The following KCNH1 variants were observed in gnomAD, a reference collection of about 807,000 sequenced individuals.
KCNH1 encodes potassium voltage-gated channel subfamily H member 1.
In KCNH1, 27 loss-of-function variants were observed where a neutral mutation model predicts 69.2. The observed-to-expected ratio is 0.39, with a 90% confidence interval of 0.29 to 0.54. The LOEUF is 0.54. KCNH1 is among the 20% of genes least tolerant of loss of function. The pLI, the probability that KCNH1 is intolerant of heterozygous loss-of-function variation, is 0.68. For missense variants in KCNH1, 798 were observed against 1,261.6 expected (o/e 0.63, Z 5.57); for synonymous variants, 456 against 487.7 (o/e 0.93, Z 0.86).
chr1:210,927,741 G>A (rs1291173436), intron 6 of KCNH1, among the ~76,000 whole-genome samples: 2 of 152,022 alleles, frequency 1.3e-5, no homozygotes, highest in Non-Finnish European at 2.9e-5. Context: ...ATGGCCTAAA[G>A]GCTCCACTTA....
At chr1:211,040,382 C>T (rs1007347069) in intron 5 of KCNH1, among the ~76,000 whole-genome samples, 1 of 152,090 alleles carries the variant, frequency 6.6e-6, no homozygotes, top group Non-Finnish European at 1.5e-5. Context: ...ATTGTGGGAG[C>T]CATTCTTTCC....
At chr1:211,056,736 A>G (rs192556274) in intron 5 of KCNH1, among the ~76,000 whole-genome samples, 216 of 152,342 alleles carry the variant, frequency 1.4e-3, no homozygotes, top group African/African-American at 4.9e-3. Context: ...AGGGAAGAGA[A>G]TAAGTATCTC....
intron 6 of KCNH1, among the ~76,000 whole-genome samples, chr1:210,937,832 C>T (rs1259162101): frequency 2.0e-5 from 3 of 152,178 alleles, no homozygotes; most frequent in Non-Finnish European, 4.4e-5. Context: ...GACTATACTC[C>T]CCTGGTTCCC....
At chr1:210,922,383 CAAAAAAAAAAAAAAAAAAAA>C (rs758026291) in intron 6 of KCNH1, among the ~76,000 whole-genome samples, 5 of 98,316 alleles carry the variant, frequency 5.1e-5, no homozygotes, top group African/African-American at 1.0e-4. Flanking sequence ...GACTCCGTCT[CAAAAAAAAAAAAAAAAAAAA>C]AAAAAAAAAA....
chr1:210,716,562 T>C (rs1682257045), intron 10 of KCNH1, among the ~76,000 whole-genome samples: 1 of 152,240 alleles, frequency 6.6e-6, no homozygotes, highest in Non-Finnish European at 1.5e-5. Context: ...TAGTGAAGTC[T>C]TCCTTACAGG....
chr1:210,769,235 A>G (rs910840448), intron 10 of KCNH1, among the ~76,000 whole-genome samples: 1 of 152,200 alleles, frequency 6.6e-6, no homozygotes, highest in African/African-American at 2.4e-5. Flanking sequence ...CTTCCACAAT[A>G]ATTTATTCAG....
chr1:211,081,960 G>A (rs747398795), intron 5 of KCNH1, among the ~76,000 whole-genome samples: 15 of 151,874 alleles, frequency 9.9e-5, no homozygotes, highest in South Asian at 2.1e-4. Flanking sequence ...AGAACTTAAA[G>A]TATAACAAAG....
chr1:210,850,109 C>T (rs1201358702), intron 7 of KCNH1, among the ~76,000 whole-genome samples: 1 of 152,184 alleles, frequency 6.6e-6, no homozygotes, highest in East Asian at 1.9e-4. Context: ...GTGCAGGTCA[C>T]TTGCACACTT....
chr1:211,093,906 G>A (rs1691100072), intron 3 of KCNH1, among the ~76,000 whole-genome samples: 1 of 152,104 alleles, frequency 6.6e-6, no homozygotes, highest in Non-Finnish European at 1.5e-5. Context: ...AAGGCAGGAA[G>A]GATGGCTGGT....
At chr1:210,894,284 G>C (rs1377377675) in intron 7 of KCNH1, among the ~76,000 whole-genome samples, 3 of 152,160 alleles carry the variant, frequency 2.0e-5, no homozygotes, top group African/African-American at 7.2e-5. Context: ...AGTGGACCCA[G>C]AGCATTATTT....
In KCNH1 at chr1:210,942,717, G is replaced by A. The variant is rs555506923; in HGVS notation, c.1033-22648C>T. ...CAGGGATCCTAGACTTTTGCTTCAG[G>A]ACACTCAGAGACCCATAGGGGAGCA... is the stretch of plus-strand genomic sequence containing the variant. On this transcript the variant is annotated intron_variant, in intron 6 of 10. Coordinates refer to ENST00000271751, the MANE Select transcript of KCNH1 (RefSeq NM_172362.3). Among the ~76,000 whole-genome samples the A allele has an allele frequency of 5.3e-5, 8 of 151,894 alleles. No individual in the cohort carries two copies. The South Asian group carries it at 1.2e-3, about 24-fold the overall frequency.
At chr1:211,095,706 G>A (rs1571643019) in intron 3 of KCNH1, among the ~76,000 whole-genome samples, 2 of 152,302 alleles carry the variant, frequency 1.3e-5, no homozygotes, top group East Asian at 1.9e-4. Context: ...TTTTGGGAAG[G>A]GTTGACCTCT....
intron 4 of KCNH1, among the ~76,000 whole-genome samples, chr1:211,088,807 G>A (rs1269815124): frequency 6.6e-6 from 1 of 152,206 alleles, no homozygotes; most frequent in African/African-American, 2.4e-5. Flanking sequence ...GTAAATGTGT[G>A]TGTATCTCCT....
chr1:211,045,657 A>C (rs1380174067), intron 5 of KCNH1, among the ~76,000 whole-genome samples: 1 of 152,176 alleles, frequency 6.6e-6, no homozygotes, highest in East Asian at 1.9e-4. Flanking sequence ...CTCCAGAAGA[A>C]GTTTCCTCCT....
intron 7 of KCNH1, among the ~76,000 whole-genome samples, chr1:210,905,785 CTG>C (rs1482503475): frequency 2.0e-5 from 3 of 152,180 alleles, no homozygotes; most frequent in Non-Finnish European, 2.9e-5. Flanking sequence ...CTGTCAGTAA[CTG>C]TGTCATGTCT....
chr1:210,894,999 C>T (rs984470408), intron 7 of KCNH1, among the ~76,000 whole-genome samples: 1 of 152,162 alleles, frequency 6.6e-6, no homozygotes, highest in African/African-American at 2.4e-5. Context: ...GTTCTCCAAC[C>T]AGGTTGCAGA....
chr1:210,745,158 C>CTACTAAAAATACAA (rs71134636), intron 10 of KCNH1, among the ~76,000 whole-genome samples: 11 of 150,474 alleles, frequency 7.3e-5, no homozygotes, highest in South Asian at 2.1e-4. Flanking sequence ...GAGTGGAGGT[C>CTACTAAAAATACAA]ATGCCACTGC....
At chr1:211,016,816 G>A (rs1048964624) in intron 6 of KCNH1, among the ~76,000 whole-genome samples, 5 of 146,974 alleles carry the variant, frequency 3.4e-5, no homozygotes, top group African/African-American at 1.3e-4. Flanking sequence ...GGCTGAGGCA[G>A]GAGAATTGCC....
At chr1:210,796,235 G>C (rs559547968) in intron 9 of KCNH1, among the ~76,000 whole-genome samples, 2 of 151,812 alleles carry the variant, frequency 1.3e-5, no homozygotes, top group South Asian at 4.2e-4. Flanking sequence ...GAGGGACTCT[G>C]GAATGCTGAT....
Sources: gnomAD v4.1 joint callset for allele counts (sites outside exome capture counted in the v4.1 genomes callset) on GRCh38, gnomAD v4.1.1 for gene constraint, MANE v1.5 for transcripts, NCBI Gene and HGNC (gene_info 2026-07-23, HGNC 2026-07-21) for gene names.